Variants in CTNNA3 observed in about 807,000 individuals in gnomAD.
CTNNA3 encodes catenin alpha 3, also known as catenin alpha-3.
Under a neutral mutation model 95.7 loss-of-function variants are expected in CTNNA3, and 76 were observed. The ratio of observed to expected loss-of-function variants is 0.79; its 90% CI spans 0.66 to 0.96. CTNNA3 has a LOEUF of 0.96. Among genes scored for constraint, CTNNA3 ranks in the 40% least tolerant of loss-of-function variants. The pLI is 0.00. For synonymous variants in CTNNA3, 431 were observed against 374.4 expected (o/e 1.15, Z -1.74); for missense variants, 1,191 against 1,089.8 (o/e 1.09, Z -1.31).
intron 13 of CTNNA3, among the ~76,000 whole-genome samples, chr10:66,157,484 TAGATATGTAGATA>T (rs2084589133): frequency 9.3e-6 from 1 of 107,550 alleles, no homozygotes; most frequent in African/African-American, 3.7e-5. Context: ...GATAGATAGA[TAGATATGTAGATA>T]GATAGATAGA....
chr10:67,383,703 T>C (rs1159295229), intron 5 of CTNNA3, among the ~76,000 whole-genome samples: 1 of 152,142 alleles, frequency 6.6e-6, no homozygotes, highest in African/African-American at 2.4e-5. Flanking sequence ...TAACAATAAA[T>C]TTAAATATAG....
chr10:66,595,774 C>A (rs897826270), intron 10 of CTNNA3, among the ~76,000 whole-genome samples: 1 of 152,020 alleles, frequency 6.6e-6, no homozygotes, highest in Non-Finnish European at 1.5e-5. Flanking sequence ...CAAGATGGGA[C>A]TACAGGAGTG....
chr10:67,024,481 A>G (rs937421642), intron 7 of CTNNA3, among the ~76,000 whole-genome samples: 1 of 152,190 alleles, frequency 6.6e-6, no homozygotes, highest in Non-Finnish European at 1.5e-5. Context: ...GGTTCTGGTG[A>G]TTAGGAAGTA....
At chr10:66,239,253 A>C (rs1000424925) in intron 13 of CTNNA3, among the ~76,000 whole-genome samples, 9 of 151,696 alleles carry the variant, frequency 5.9e-5, no homozygotes, top group African/African-American at 1.9e-4. Context: ...TAATGCTAAA[A>C]TATAATTAAT....
chr10:67,547,199 C>T (rs1040372657), intron 3 of CTNNA3, among the ~76,000 whole-genome samples: 10 of 152,076 alleles, frequency 6.6e-5, no homozygotes, highest in African/African-American at 2.4e-4. Flanking sequence ...AGACATAATT[C>T]CATAGCACCT....
chr10:65,986,699 G>GAA lies in CTNNA3; in HGVS notation c.2265+1991_2265+1992dup, dbSNP rs34970451. On this transcript the variant is annotated intron_variant, in intron 16 of 17. Transcript: ENST00000433211. ...ACCAATGACATTTTTTACATAGATA[G>GAA]AAAAAAAAAATCCTAAAATTTACAT... Among the ~76,000 whole-genome samples, 495 of 148,428 alleles carry GAA rather than the reference G, an allele frequency of 3.3e-3. 2 individuals carry two copies. The highest frequency in any genetic ancestry group is 5.7e-3 in the Non-Finnish European group (383 of 66,752).
chr10:67,153,142 A>AT (rs1861158852), intron 7 of CTNNA3, among the ~76,000 whole-genome samples: 1 of 151,902 alleles, frequency 6.6e-6, no homozygotes, highest in East Asian at 1.9e-4. Flanking sequence ...CACCCAGCTA[A>AT]TTTTTGCATT....
intron 9 of CTNNA3, among the ~76,000 whole-genome samples, chr10:66,715,231 T>C (rs1848414658): frequency 6.6e-6 from 1 of 152,102 alleles, no homozygotes; most frequent in Non-Finnish European, 1.5e-5. Flanking sequence ...TCCAGCTCTT[T>C]AAAAGGAAAG....
intron 12 of CTNNA3, among the ~76,000 whole-genome samples, chr10:66,373,591 C>T (rs1458662711): frequency 1.4e-5 from 1 of 72,012 alleles, no homozygotes; most frequent in Non-Finnish European, 2.7e-5. Context: ...TTAATGCTCT[C>T]TAATTGTGTT....
chr10:67,446,034 T>G (rs780209040), intron 5 of CTNNA3, among the ~76,000 whole-genome samples: 1 of 152,172 alleles, frequency 6.6e-6, no homozygotes, highest in African/African-American at 2.4e-5. Flanking sequence ...TATTAAAGCA[T>G]AGATGGCAAG....
intron 9 of CTNNA3, among the ~76,000 whole-genome samples, chr10:66,648,647 A>T (rs1403339660): frequency 6.6e-6 from 1 of 150,964 alleles, no homozygotes; most frequent in Non-Finnish European, 1.5e-5. Context: ...GCTACATACA[A>T]GAAAAAATGA....
intron 9 of CTNNA3, among the ~76,000 whole-genome samples, chr10:66,724,635 T>C (rs1234061899): frequency 1.3e-5 from 2 of 152,220 alleles, no homozygotes; most frequent in Non-Finnish European, 2.9e-5. Context: ...AAAAGCTTCA[T>C]TGAATAATTT....
At chr10:66,123,534 C>T (rs2082679424) in intron 13 of CTNNA3, among the ~76,000 whole-genome samples, 1 of 152,122 alleles carries the variant, frequency 6.6e-6, no homozygotes, top group Non-Finnish European at 1.5e-5. Context: ...GCCCTCTTCT[C>T]ACAGATCCAC....
At chr10:66,698,860 A>G (rs554611173) in intron 9 of CTNNA3, among the ~76,000 whole-genome samples, 13 of 152,310 alleles carry the variant, frequency 8.5e-5, no homozygotes, top group Non-Finnish European at 1.9e-4. Flanking sequence ...TTATGCTTCA[A>G]GCAATGTCCT....
intron 7 of CTNNA3, among the ~76,000 whole-genome samples, chr10:66,873,057 C>T (rs529432222): frequency 6.6e-6 from 1 of 152,264 alleles, no homozygotes; most frequent in South Asian, 2.1e-4. Flanking sequence ...TAGTATTTCA[C>T]GATGTATATT....
At chr10:66,253,518 T>C (rs1272708118) in intron 13 of CTNNA3, among the ~76,000 whole-genome samples, 1 of 152,190 alleles carries the variant, frequency 6.6e-6, no homozygotes, top group African/African-American at 2.4e-5. Flanking sequence ...AAACAGCCTG[T>C]GAGAACTCAG....
intron 7 of CTNNA3, chr10:66,928,344 C>A: frequency 6.2e-7 from 1 of 1,614,092 alleles, no homozygotes. Context: ...CTCCCAGCAC[C>A]CAGGAATTTT....
At chr10:66,119,632 ATAACT>A (rs774021784) in intron 13 of CTNNA3, among the ~76,000 whole-genome samples, 5 of 152,158 alleles carry the variant, frequency 3.3e-5, no homozygotes, top group Non-Finnish European at 4.4e-5. Flanking sequence ...AAAAAATAAG[ATAACT>A]TATATTATAT....
At chr10:67,410,060 T>A (rs1845306476) in intron 5 of CTNNA3, among the ~76,000 whole-genome samples, 1 of 152,144 alleles carries the variant, frequency 6.6e-6, no homozygotes, top group Non-Finnish European at 1.5e-5. Context: ...TGCACACATA[T>A]GTTTACTGCA....
Sources: gnomAD v4.1 joint callset for allele counts (sites outside exome capture counted in the v4.1 genomes callset) on GRCh38, gnomAD v4.1.1 for gene constraint, MANE v1.5 for transcripts, NCBI Gene and HGNC (gene_info 2026-07-23, HGNC 2026-07-21) for gene names.